The following ITGB3BP variants were observed in gnomAD, a reference collection of about 807,000 sequenced individuals.
ITGB3BP encodes the protein integrin subunit beta 3 binding protein, also known as centromere protein R.
A neutral mutation model predicts 29.1 loss-of-function variants in ITGB3BP; 27 were observed. The ratio of observed to expected loss-of-function variants is 0.93; its 90% CI spans 0.68 to 1.28. The LOEUF is 1.28. ITGB3BP is among the 50% of genes most tolerant of loss of function. The pLI is 0.00. For synonymous variants in ITGB3BP, 61 were observed against 61.4 expected (o/e 0.99, Z 0.03); for missense variants, 192 against 200.2 (o/e 0.96, Z 0.25).
At chr1:63,472,479 T>TCTCC in intron 4 of ITGB3BP, among the ~76,000 whole-genome samples, 1 of 88,806 alleles carries the variant, frequency 1.1e-5, no homozygotes, top group African/African-American at 5.1e-5. Flanking sequence ...CTCCCCTCTC[T>TCTCC]CCTCTCCACG....
intron 2 of ITGB3BP, among the ~76,000 whole-genome samples, chr1:63,498,728 G>A (rs1447907046): frequency 6.6e-6 from 1 of 151,772 alleles, no homozygotes; most frequent in African/African-American, 2.4e-5. Context: ...AAATGAAATG[G>A]AGAAAAAACA....
At chr1:63,512,802 G>A (rs1278314687) in intron 1 of ITGB3BP, among the ~76,000 whole-genome samples, 1 of 152,170 alleles carries the variant, frequency 6.6e-6, no homozygotes. Context: ...AACTTCACAG[G>A]AGTGTTTAGA....
chr1:63,464,915 C>T (rs1169625357), intron 4 of ITGB3BP, among the ~76,000 whole-genome samples: 1 of 151,816 alleles, frequency 6.6e-6, no homozygotes, highest in African/African-American at 2.4e-5. Context: ...TCAGAGAAGA[C>T]AATAAAAGGT....
chr1:63,492,364 C>T (rs186333027), intron 2 of ITGB3BP, among the ~76,000 whole-genome samples: 7 of 152,262 alleles, frequency 4.6e-5, no homozygotes, highest in African/African-American at 1.4e-4. Flanking sequence ...CCCTACTATA[C>T]CACTAAATAT....
chr1:63,505,551 T>C (rs1206683552), intron 2 of ITGB3BP, among the ~76,000 whole-genome samples: 2 of 152,208 alleles, frequency 1.3e-5, no homozygotes, highest in African/African-American at 4.8e-5. Context: ...TGCCTTCTGC[T>C]AGCTTTTGAA....
At position 63,454,532 on chromosome 1, in the gene ITGB3BP, G is replaced by T. The variant is rs1194000043; in HGVS notation, c.334-59C>A. 2.2e-5 allele frequency: 17 copies of T among 781,500 alleles called. No individual in the cohort carries two copies. Among genetic ancestry groups the T allele is most frequent in the Non-Finnish European group, 3.0e-5 (14 of 472,266 alleles). 48.4% of individuals were successfully genotyped at this position (781,500 alleles called of 1,614,324 possible). ...TCTACACACATGAGATTACTGACATGTCTAGTGAAAATACAGTATATTGTT... is the reference window on the plus strand; with the variant it reads ...TCTACACACATGAGATTACTGACATTTCTAGTGAAAATACAGTATATTGTT... On this transcript the variant is annotated intron_variant, in intron 5 of 8. Coordinates refer to ENST00000271002, the MANE Select transcript of ITGB3BP (RefSeq NM_014288.5). The surrounding 1 kb of genome is among the most constrained non-coding windows in gnomAD (Gnocchi z 4.1).
At chr1:63,508,319 C>T (rs1228579865) in intron 2 of ITGB3BP, among the ~76,000 whole-genome samples, 2 of 151,952 alleles carry the variant, frequency 1.3e-5, no homozygotes, top group Admixed American at 6.6e-5. Flanking sequence ...CTTAACTGAA[C>T]ACCTCAAGCT....
chr1:63,481,338 A>G (rs1645433457), intron 3 of ITGB3BP, among the ~76,000 whole-genome samples: 1 of 152,194 alleles, frequency 6.6e-6, no homozygotes, highest in South Asian at 2.1e-4. Context: ...TAATATTTCT[A>G]AGAGTAATAC....
rs751764920 is a variant in ITGB3BP, at chr1:63,454,498, G to A, written c.334-25C>T. The A allele has an allele frequency of 2.5e-6, 3 of 1,203,644 alleles. No homozygotes were observed. The allele number at this position is 1,203,644 out of a possible 1,614,324, so 74.6% of individuals were successfully genotyped here. ...CCTACAAGAAAGTCATCTTGAATGAGTTAAGTTCTCTACACACATGAGATT... is the reference window on the plus strand; with the variant it reads ...CCTACAAGAAAGTCATCTTGAATGAATTAAGTTCTCTACACACATGAGATT... On this transcript the variant is annotated intron_variant, in intron 5 of 8. Coordinates refer to ENST00000271002, the MANE Select transcript of ITGB3BP (RefSeq NM_014288.5). This position sits in a 1 kb window ranked among gnomAD's most constrained non-coding sequence, Gnocchi z 4.1.
At chr1:63,466,596 A>ATAAATTATATGT (rs2100559188) in intron 4 of ITGB3BP, among the ~76,000 whole-genome samples, 2 of 152,344 alleles carry the variant, frequency 1.3e-5, no homozygotes, top group South Asian at 4.1e-4. Flanking sequence ...ATTATACCAC[A>ATAAATTATATGT]CAGCATGTTT....
chr1:63,457,678 A>G (rs1644954879), intron 4 of ITGB3BP: 2 of 152,184 alleles, frequency 1.3e-5, no homozygotes, highest in Non-Finnish European at 2.9e-5. Flanking sequence ...ATTTTGCAGA[A>G]TAGTATTTCT....
intron 3 of ITGB3BP, among the ~76,000 whole-genome samples, chr1:63,483,265 G>A (rs1044013809): frequency 6.6e-6 from 1 of 151,844 alleles, no homozygotes; most frequent in African/African-American, 2.4e-5. Flanking sequence ...AAAAGCATAA[G>A]CCCTTCCATG....
At chr1:63,511,123 T>C (rs1343755021) in intron 1 of ITGB3BP, among the ~76,000 whole-genome samples, 1 of 152,130 alleles carries the variant, frequency 6.6e-6, no homozygotes, top group Non-Finnish European at 1.5e-5. Context: ...AGGACTTGAA[T>C]ATACACTTCT....
intron 4 of ITGB3BP, among the ~76,000 whole-genome samples, chr1:63,461,428 T>A (rs1303434434): frequency 6.6e-6 from 1 of 152,166 alleles, no homozygotes; most frequent in Non-Finnish European, 1.5e-5. Flanking sequence ...CCTTTTCACT[T>A]TCTTGATGGT....
chr1:63,473,564 G>A (rs1390576376), intron 4 of ITGB3BP, among the ~76,000 whole-genome samples: 3 of 100,798 alleles, frequency 3.0e-5, no homozygotes, highest in Admixed American at 9.9e-5. Context: ...CATCTGGGAG[G>A]GGGGAGGGGG....
At chr1:63,509,266 C>T (rs553171755) in intron 1 of ITGB3BP, among the ~76,000 whole-genome samples, 2 of 152,210 alleles carry the variant, frequency 1.3e-5, no homozygotes, top group Admixed American at 6.5e-5. Flanking sequence ...ATTTATAATA[C>T]TTTATTTCAT....
intron 8 of ITGB3BP, among the ~76,000 whole-genome samples, chr1:63,444,423 GATATATATAAGAT>G (rs1347122306): frequency 1.4e-5 from 2 of 147,156 alleles, no homozygotes; most frequent in African/African-American, 5.0e-5. Context: ...TATGTGGATG[GATATATATAAGAT>G]ATATATATCC....
intron 3 of ITGB3BP, among the ~76,000 whole-genome samples, chr1:63,487,274 C>A (rs1350951447): frequency 6.6e-6 from 1 of 151,836 alleles, no homozygotes; most frequent in Non-Finnish European, 1.5e-5. Context: ...TGAAAATAAT[C>A]TTCATGTAAG....
At chr1:63,473,150 G>A (rs981699512) in intron 4 of ITGB3BP, among the ~76,000 whole-genome samples, 4 of 151,430 alleles carry the variant, frequency 2.6e-5, no homozygotes, top group African/African-American at 9.7e-5. Context: ...TGTGAGGACC[G>A]CCTCTGCTGG....
Sources: allele counts gnomAD v4.1 joint callset (sites outside exome capture counted in the v4.1 genomes callset), GRCh38; gene constraint gnomAD v4.1.1; non-coding constraint Gnocchi (gnomAD v3.1); transcripts MANE v1.5; gene names NCBI Gene and HGNC (gene_info 2026-07-23, HGNC 2026-07-21).